The following AKAP5 variants were observed in gnomAD, a reference collection of about 807,000 sequenced individuals.
The protein encoded by AKAP5 is A-kinase anchor protein 5.
AKAP5 carries 5 observed loss-of-function variants against 13.8 expected under a neutral mutation model. That is an observed-to-expected ratio of 0.36 (90% confidence interval 0.19 to 0.76). The LOEUF is 0.76. AKAP5 is among the 30% of genes least tolerant of loss of function. The probability of loss-of-function intolerance (pLI) is 0.51; values close to 1 mark genes in which losing one functional copy is unlikely to be tolerated. For missense variants in AKAP5, 406 were observed against 484.4 expected, an observed-to-expected ratio of 0.84 and a Z score of 1.52; for synonymous variants, 148 against 167.2, an observed-to-expected ratio of 0.89 and a Z score of 0.89.
At position 64,468,351 on chromosome 14, in the gene AKAP5, A is replaced by AAGAG. The variant is rs1566586775; in HGVS notation, c.-40_-37dup. On this transcript the variant is annotated 5_prime_UTR_variant, in exon 2 of 2. Transcript: ENST00000394718. ...TTTTTGTCACAAAAGGCTGCTAAGG[A>AAGAG]AGAGAGAATACAGTTTTCTAGAGAA... The AAGAG allele has an allele frequency of 6.6e-7, 1 of 1,514,846 alleles. No homozygotes were observed. Among genetic ancestry groups the AAGAG allele is most frequent in the East Asian group, 2.3e-5 (1 of 43,286 alleles). The allele number at this position is 1,514,846 out of a possible 1,614,324, so 93.8% of individuals were successfully genotyped here. A position where few individuals can be genotyped will look rare whatever the true frequency, so the allele number is the denominator to read the frequency against.
rs2078642830 is a variant in AKAP5, at chr14:64,469,270, A to C, written c.876A>C (p.Lys292Asn). ...NSTLESAPNGKDYESTEIVAE... is the reference protein window; with the variant it reads ...NSTLESAPNGNDYESTEIVAE... ...CCCTAGAAAGTGCACCAAATGGAAA[A>C]GACTATGAAAGTACAGAGATTGTAG... is the stretch of plus-strand genomic sequence containing the variant. The change falls in exon 2 of 2, where the codon AAA becomes AAC. Residue 292 changes from lysine (K) to asparagine (N), a missense_variant. Lys to Asn is a moderately conservative substitution (Grantham distance 94). Coordinates refer to ENST00000394718, the MANE Select transcript of AKAP5 (RefSeq NM_004857.3). The C allele has an allele frequency of 1.2e-6, 2 of 1,613,602 alleles. No homozygotes were observed. The highest frequency in any genetic ancestry group is 1.7e-6 in the Non-Finnish European group (2 of 1,179,974).
rs1012427292 is a variant in AKAP5, at chr14:64,468,333, C to G, written c.-62C>G. ...GTGACATTTTTGCTCATCTTTTTGT[C>G]ACAAAAGGCTGCTAAGGAAGAGAGA... On this transcript the variant is annotated 5_prime_UTR_variant, in exon 2 of 2. Coordinates refer to ENST00000394718, the MANE Select transcript of AKAP5 (RefSeq NM_004857.3). 42 of 1,454,324 alleles carry G rather than the reference C, an allele frequency of 2.9e-5. No homozygotes were observed. Among genetic ancestry groups the G allele is most frequent in the Non-Finnish European group, 3.3e-5 (36 of 1,090,114 alleles). 90.1% of individuals were successfully genotyped at this position (1,454,324 alleles called of 1,614,324 possible).
chr14:64,469,150 T>G lies in AKAP5; in HGVS notation c.756T>G (p.Thr252=). Residue 252 remains threonine, a synonymous_variant, in exon 2 of 2, where the codon ACT becomes ACG. Coordinates refer to ENST00000394718, the MANE Select transcript of AKAP5 (RefSeq NM_004857.3). Reference sequence around the variant, plus strand: ...CCCAGCAAGCAAGCCCACTTGAAACTTCAGAAACAGACCATCAGCAGCCAG... The same window carrying G: ...CCCAGCAAGCAAGCCCACTTGAAACGTCAGAAACAGACCATCAGCAGCCAG... ...VQPQQASPLE[T]SETDHQQPVL... is the part of the protein sequence containing the mutation. 6.2e-7 allele frequency: 1 copy of G among 1,614,124 alleles called. No individual in the cohort carries two copies.
Position 64,468,437 on chromosome 14 carries a change from G to A in AKAP5, c.43G>A (p.Glu15Lys), listed in dbSNP as rs769142322. ...AGAAATTCATGTAGAAAACAAGGAT[G>A]AGAAGAGATCAGCAGAAGGTAGTCC... ...ISEIHVENKD[E>K]KRSAEGSPGA... The change falls in exon 2 of 2, where the codon GAG becomes AAG. Residue 15 changes from glutamate to lysine, a missense_variant. By Grantham distance (56) the Glu-to-Lys change is moderately conservative. Coordinates refer to ENST00000394718, the MANE Select transcript of AKAP5 (RefSeq NM_004857.3). 1.9e-6 allele frequency: 3 copies of A among 1,613,338 alleles called. No homozygotes were observed. The highest frequency in any genetic ancestry group is 2.2e-5 in the South Asian group (2 of 90,920).
In AKAP5 at chr14:64,473,499, G is replaced by A; in HGVS notation, c.*3821G>A. 6.0e-6 allele frequency: 1 copy of A among 167,158 alleles called. No individual in the cohort carries two copies. 10.4% of individuals were successfully genotyped at this position (167,158 alleles called of 1,614,324 possible). A position where few individuals can be genotyped will look rare whatever the true frequency, so the allele number is the denominator to read the frequency against. On this transcript the variant is annotated 3_prime_UTR_variant, in exon 2 of 2. Transcript: ENST00000394718. ...AAAGGCATTAAAGATATGGATCATG[G>A]AGGCACCAAATTTGGCTTCTGTATG...
rs2078688083 is a variant in AKAP5 at position 64,472,792 on chromosome 14, T to C, written c.*3114T>C. ...GAGTCATAAAATATTTTTCTTGTAA[T>C]AGTATTTAAGCAATTTGACCTTATA... On this transcript the variant is annotated 3_prime_UTR_variant, in exon 2 of 2. Coordinates refer to ENST00000394718, the MANE Select transcript of AKAP5 (RefSeq NM_004857.3). The C allele has an allele frequency of 3.6e-5, 6 of 167,044 alleles. No individual in the cohort carries two copies. In the South Asian group the frequency reaches 8.3e-4, roughly 23 times the overall value. 10.3% of individuals were successfully genotyped at this position (167,044 alleles called of 1,614,324 possible).
At position 64,471,524 on chromosome 14, in the gene AKAP5, T is replaced by G. The variant is rs1233928311; in HGVS notation, c.*1846T>G. ...CTTATTTGCATTTTTATTTACATAT[T>G]GAAAGGGAAGCATCTGATCTCATCA... On this transcript the variant is annotated 3_prime_UTR_variant, in exon 2 of 2. Transcript: ENST00000394718. 1 of 167,098 alleles carries G rather than the reference T, an allele frequency of 6.0e-6. No individual in the cohort carries two copies. Among genetic ancestry groups the G allele is most frequent in the Non-Finnish European group, 1.5e-5 (1 of 68,126 alleles). 10.4% of individuals were successfully genotyped at this position (167,098 alleles called of 1,614,324 possible).
At chr14:64,467,004 T>G (rs542553628) in intron 1 of AKAP5, 2 of 152,346 alleles carry the variant, frequency 1.3e-5, no homozygotes, top group African/African-American at 4.8e-5. Context: ...TATAAAGAAT[T>G]TCAAAAGCTT....
rs1429969083 is a variant in AKAP5, at chr14:64,468,645, G to A, written c.251G>A (p.Arg84His). Reference protein sequence around the residue: ...PTRGAWASLKRLVTRRKRSES... With the variant: ...PTRGAWASLKHLVTRRKRSES... Reference sequence around the variant, plus strand: ...CGGGGGGCCTGGGCCTCACTCAAACGTCTTGTAACACGCAGGAAAAGGTCA... The same window carrying A: ...CGGGGGGCCTGGGCCTCACTCAAACATCTTGTAACACGCAGGAAAAGGTCA... The change falls in exon 2 of 2, where the codon CGT (arginine) becomes CAT (histidine). Residue 84 changes from arginine (R) to histidine (H), a missense_variant. Arg to His is a conservative substitution (Grantham distance 29, BLOSUM62 0). Coordinates refer to ENST00000394718, the MANE Select transcript of AKAP5 (RefSeq NM_004857.3). The A allele has an allele frequency of 1.9e-6, 3 of 1,613,824 alleles. No individual in the cohort carries two copies. Among genetic ancestry groups the A allele is most frequent in the South Asian group, 1.1e-5 (1 of 91,092 alleles).
In AKAP5 at chr14:64,471,330, T is replaced by G; in HGVS notation, c.*1652T>G. 6.1e-6 allele frequency: 1 copy of G among 163,172 alleles called. No homozygotes were observed. The allele number at this position is 163,172 out of a possible 1,614,324, so 10.1% of individuals were successfully genotyped here. A position where few individuals can be genotyped will look rare whatever the true frequency, so the allele number is the denominator to read the frequency against. On this transcript the variant is annotated 3_prime_UTR_variant, in exon 2 of 2. Transcript: ENST00000394718. ...ACAACGCTCGGCTAATTTTTTGTAT[T>G]TTTAGTAGAGATGGGGTTTCACCGT...
rs1173471785 is a variant in AKAP5, at chr14:64,473,017, G to C, written c.*3339G>C. 1 of 166,946 alleles carries C rather than the reference G, an allele frequency of 6.0e-6. No homozygotes were observed. The highest frequency in any genetic ancestry group is 1.5e-5 in the Non-Finnish European group (1 of 68,080). 10.3% of individuals were successfully genotyped at this position (166,946 alleles called of 1,614,324 possible). A position where few individuals can be genotyped will look rare whatever the true frequency, so the allele number is the denominator to read the frequency against. ...CAGAATTTTGCAAAGCTGGGGGTTGGGGAGGGGGATTATTAGCTACTTGTT... is the reference window on the plus strand; with the variant it reads ...CAGAATTTTGCAAAGCTGGGGGTTGCGGAGGGGGATTATTAGCTACTTGTT... On this transcript the variant is annotated 3_prime_UTR_variant, in exon 2 of 2. Transcript: ENST00000394718.
In AKAP5 at chr14:64,473,613, T is replaced by C. The variant is rs2078695645; in HGVS notation, c.*3935T>C. On this transcript the variant is annotated 3_prime_UTR_variant, in exon 2 of 2. Transcript: ENST00000394718. ...ACCTTATTTTTTATAGTTAAGAATG[T>C]TTTTCGAGGTTTACAACAGAATTTA... 3 of 167,106 alleles carry C rather than the reference T, an allele frequency of 1.8e-5. No homozygotes were observed. The highest frequency in any genetic ancestry group is 1.5e-5 in the Non-Finnish European group (1 of 68,114). 10.4% of individuals were successfully genotyped at this position (167,106 alleles called of 1,614,324 possible).
chr14:64,469,353 A>C lies in AKAP5; in HGVS notation c.959A>C (p.Asn320Thr). The change falls in exon 2 of 2, where the codon AAT becomes ACT. Residue 320 changes from asparagine to threonine, a missense_variant. By Grantham distance (65) the Asn-to-Thr change is moderately conservative. Coordinates refer to ENST00000394718, the MANE Select transcript of AKAP5 (RefSeq NM_004857.3). ...AGCCAAGAATCAGATTTTAAAGAAA[A>C]TGGGATCACTGAAGAGAAATCCAAA... ...ELSQESDFKE[N>T]GITEEKSKSE... 6.2e-7 allele frequency: 1 copy of C among 1,614,058 alleles called. No homozygotes were observed. Among genetic ancestry groups the C allele is most frequent in the Non-Finnish European group, 8.5e-7 (1 of 1,180,006 alleles).
rs1003500134 is a variant in AKAP5, at chr14:64,469,627, G to C, written c.1233G>C (p.Leu411=). The C allele has an allele frequency of 1.3e-5, 21 of 1,606,650 alleles. No homozygotes were observed. Among genetic ancestry groups the C allele is most frequent in the Non-Finnish European group, 1.6e-5 (19 of 1,177,994 alleles). The change falls in exon 2 of 2, where the codon CTG becomes CTC. Residue 411 remains leucine (L), a synonymous_variant. Coordinates refer to ENST00000394718, the MANE Select transcript of AKAP5 (RefSeq NM_004857.3). ...KNAIQLSIEQ[L]VNEMASDDNK... ...CTATTCAGTTGTCAATAGAACAGCT[G>C]GTTAATGAAATGGCCTCTGATGATA...
Position 64,473,859 on chromosome 14 carries a change from T to C in AKAP5, c.*4181T>C, listed in dbSNP as rs2078697181. On this transcript the variant is annotated 3_prime_UTR_variant, in exon 2 of 2. Transcript: ENST00000394718. The stretch of plus-strand genomic sequence containing the variant: ...GTTTTATTGGGTAACATGAACTCTC[T>C]TATACATAATTCAAAATTTCAATCC... The C allele has an allele frequency of 6.0e-6, 1 of 166,898 alleles. No individual in the cohort carries two copies. Among genetic ancestry groups the C allele is most frequent in the Admixed American group, 6.5e-5 (1 of 15,288 alleles). 10.3% of individuals were successfully genotyped at this position (166,898 alleles called of 1,614,324 possible).
Position 64,469,320 on chromosome 14 carries a change from C to A in AKAP5, c.926C>A (p.Thr309Asn). The A allele has an allele frequency of 6.2e-7, 1 of 1,613,408 alleles. No homozygotes were observed. The highest frequency in any genetic ancestry group is 8.5e-7 in the Non-Finnish European group (1 of 1,179,890). Residue 309 changes from threonine (T) to asparagine (N), a missense_variant, in exon 2 of 2, where the codon ACT becomes AAT. By Grantham distance (65) the Thr-to-Asn change is moderately conservative. Transcript: ENST00000394718. ...IVAEETKPKD[T>N]ELSQESDFKE... is the part of the protein sequence containing the mutation. Reference sequence around the variant, plus strand: ...GCTGAAGAAACTAAGCCAAAAGATACTGAATTGAGCCAAGAATCAGATTTT... The same window carrying A: ...GCTGAAGAAACTAAGCCAAAAGATAATGAATTGAGCCAAGAATCAGATTTT...
chr14:64,469,901 TAA>T lies in AKAP5; in HGVS notation c.*226_*227del, dbSNP rs2141004488. 1 of 410,880 alleles carries T rather than the reference TAA, an allele frequency of 2.4e-6. No homozygotes were observed. Among genetic ancestry groups the T allele is most frequent in the Admixed American group, 4.2e-5 (1 of 23,680 alleles). 25.5% of individuals were successfully genotyped at this position (410,880 alleles called of 1,614,324 possible). ...GAGGAAGTCAGCACAGATTGCAGTG[TAA>T]AATGACATAACATACAGGGAGTTGC... On this transcript the variant is annotated 3_prime_UTR_variant, in exon 2 of 2. Transcript: ENST00000394718.
In AKAP5 at chr14:64,469,475, C is replaced by A. The variant is rs1202479804; in HGVS notation, c.1081C>A (p.Gln361Lys). Residue 361 changes from glutamine (Q) to lysine (K), a missense_variant, in exon 2 of 2, where the codon CAA (glutamine) becomes AAA (lysine). Physicochemically the swap from Gln to Lys is moderately conservative, Grantham distance 53. Transcript: ENST00000394718. ...DVTKSKNVPK[Q>K]FLISAENEQV... ...TACAAAATCTAAAAATGTCCCTAAG[C>A]AATTCTTAATTTCAGCTGAAAATGA... 1 of 1,613,046 alleles carries A rather than the reference C, an allele frequency of 6.2e-7. No individual in the cohort carries two copies. The highest frequency in any genetic ancestry group is 8.5e-7 in the Non-Finnish European group (1 of 1,179,806).
rs986714553 is a variant in AKAP5 at position 64,473,935 on chromosome 14, G to C, written c.*4257G>C. 1 of 166,586 alleles carries C rather than the reference G, an allele frequency of 6.0e-6. No individual in the cohort carries two copies. Among genetic ancestry groups the C allele is most frequent in the African/African-American group, 2.4e-5 (1 of 41,430 alleles). The allele number at this position is 166,586 out of a possible 1,614,324, so 10.3% of individuals were successfully genotyped here. ...AAAAGAAAATTTGTAATGCTCCTTA[G>C]TTACAAAAATTAGAAGGAAGCTACA... On this transcript the variant is annotated 3_prime_UTR_variant, in exon 2 of 2. Transcript: ENST00000394718.
Sources: gnomAD v4.1 joint callset for allele counts on GRCh38, gnomAD v4.1.1 for gene constraint, MANE v1.5 for transcripts, NCBI Gene and HGNC (gene_info 2026-07-23, HGNC 2026-07-21) for gene names.